Variants in STX18 observed in about 807,000 individuals in gnomAD.
STX18 encodes the protein syntaxin-18.
Under a neutral mutation model 50.1 loss-of-function variants are expected in STX18, and 40 were observed. The ratio of observed to expected loss-of-function variants is 0.80; its 90% CI spans 0.62 to 1.04. The LOEUF (loss-of-function observed/expected upper bound fraction) is 1.04, where lower values mean the gene tolerates loss of function less well. Among genes scored for constraint, STX18 ranks in the 50% least tolerant of loss-of-function variants. The probability of loss-of-function intolerance (pLI) is 0.00; values close to 1 mark genes in which losing one functional copy is unlikely to be tolerated. For synonymous variants in STX18, 158 were observed against 151.8 expected (o/e 1.04, Z -0.30); for missense variants, 410 against 415.8 (o/e 0.99, Z 0.12).
intron 6 of STX18, chr4:4,437,688 T>C (rs1337942432): frequency 1.1e-6 from 1 of 920,128 alleles, no homozygotes; most frequent in African/African-American, 1.8e-5. Context: ...CTCCCAGGTC[T>C]CTCCTGGCTC....
At chr4:4,474,680 T>A (rs937970665) in intron 1 of STX18, among the ~76,000 whole-genome samples, 3 of 152,066 alleles carry the variant, frequency 2.0e-5, no homozygotes, top group African/African-American at 7.2e-5. Flanking sequence ...AGTAATGCAA[T>A]GTGAGAAAGA....
chr4:4,457,536 C>T (rs1443788994), intron 3 of STX18, 36 bp from the exon 4 acceptor site: 1 of 1,502,766 alleles, frequency 6.7e-7, no homozygotes, highest in African/African-American at 1.4e-5. Context: ...GGCCTTCGCA[C>T]TCAATTATCC....
intron 1 of STX18, among the ~76,000 whole-genome samples, chr4:4,490,211 C>T (rs772723995): frequency 1.3e-5 from 2 of 152,162 alleles, no homozygotes; most frequent in Non-Finnish European, 2.9e-5. Context: ...AGAAATCTTT[C>T]GAAAGCTCTA....
At chr4:4,502,072 A>G (rs1729484922) in intron 1 of STX18, among the ~76,000 whole-genome samples, 1 of 152,256 alleles carries the variant, frequency 6.6e-6, no homozygotes, top group Non-Finnish European at 1.5e-5. Context: ...TCTGCAGTTA[A>G]TATGTCTAAA....
At chr4:4,465,499 G>A (rs778580247) in intron 2 of STX18, among the ~76,000 whole-genome samples, 12 of 152,174 alleles carry the variant, frequency 7.9e-5, no homozygotes, top group Non-Finnish European at 1.3e-4. Flanking sequence ...GCAAACTAAC[G>A]TAAGAACAGA....
chr4:4,443,844 T>C (rs1162749960), intron 5 of STX18, among the ~76,000 whole-genome samples: 1 of 152,210 alleles, frequency 6.6e-6, no homozygotes, highest in African/African-American at 2.4e-5. Context: ...GATCCTCTGA[T>C]GATAAAAACT....
At chr4:4,531,034 G>A (rs1004262679) in intron 1 of STX18, among the ~76,000 whole-genome samples, 4 of 152,134 alleles carry the variant, frequency 2.6e-5, no homozygotes, top group Middle Eastern at 3.4e-3. Flanking sequence ...ATGTATGTAT[G>A]AAACAAGGAA....
At chr4:4,517,238 T>A (rs942954453) in intron 1 of STX18, among the ~76,000 whole-genome samples, 2 of 152,230 alleles carry the variant, frequency 1.3e-5, no homozygotes, top group African/African-American at 4.8e-5. Flanking sequence ...CTTCTGTTTT[T>A]TCAAAATCTC....
intron 1 of STX18, among the ~76,000 whole-genome samples, chr4:4,493,422 A>G (rs1560192262): frequency 6.6e-6 from 1 of 152,222 alleles, no homozygotes; most frequent in Non-Finnish European, 1.5e-5. Flanking sequence ...GGAATTGTAA[A>G]TAGTAAGAAT....
chr4:4,485,153 G>A (rs930079704), intron 1 of STX18, among the ~76,000 whole-genome samples: 1 of 152,148 alleles, frequency 6.6e-6, no homozygotes, highest in African/African-American at 2.4e-5. Flanking sequence ...ATGGCTTTGT[G>A]TCACTTAACC....
At chr4:4,460,275 A>C (rs530787074) in intron 2 of STX18, among the ~76,000 whole-genome samples, 226 of 152,308 alleles carry the variant, frequency 1.5e-3, no homozygotes, top group Non-Finnish European at 2.3e-3. Flanking sequence ...ATCAATTAAT[A>C]AATCAGTAAT....
intron 1 of STX18, among the ~76,000 whole-genome samples, chr4:4,495,679 G>C (rs1239570474): frequency 7.0e-6 from 1 of 143,108 alleles, no homozygotes; most frequent in Non-Finnish European, 1.5e-5. Flanking sequence ...TATTTAAATT[G>C]TACAACTAAA....
intron 1 of STX18, 102 bp downstream of exon 1, chr4:4,541,695 C>CTT: frequency 2.9e-6 from 4 of 1,379,244 alleles, no homozygotes; most frequent in Non-Finnish European, 3.9e-6. Context: ...GAGCCACCCC[C>CTT]TTCACACAAT....
chr4:4,453,593 T>G, intron 5 of STX18: 1 of 783,228 alleles, frequency 1.3e-6, no homozygotes, highest in Non-Finnish European at 1.5e-6. Context: ...TATTGTGATA[T>G]TCACTTTGTT....
chr4:4,507,311 A>C (rs530715445), intron 1 of STX18: 1 of 728,324 alleles, frequency 1.4e-6, no homozygotes, highest in South Asian at 1.4e-5. Context: ...TCGGACCTCA[A>C]GGCTCAGCTC....
intron 1 of STX18, among the ~76,000 whole-genome samples, chr4:4,533,556 C>T (rs1418140021): frequency 6.6e-6 from 1 of 152,186 alleles, no homozygotes; most frequent in Non-Finnish European, 1.5e-5. Flanking sequence ...TATTCTTCTG[C>T]ACATTAGTTA....
At chr4:4,491,254 T>G (rs1291884297) in intron 1 of STX18, among the ~76,000 whole-genome samples, 1 of 152,140 alleles carries the variant, frequency 6.6e-6, no homozygotes, top group Non-Finnish European at 1.5e-5. Flanking sequence ...TTCATCCATA[T>G]TATATACAAA....
At chr4:4,442,742 T>G (rs745445743) in intron 5 of STX18, among the ~76,000 whole-genome samples, 1 of 151,676 alleles carries the variant, frequency 6.6e-6, no homozygotes, top group African/African-American at 2.4e-5. Context: ...ATGGGAACTC[T>G]TGGTACTTTC....
chr4:4,507,495 G>A, intron 1 of STX18: 2 of 767,164 alleles, frequency 2.6e-6, no homozygotes, highest in South Asian at 2.7e-5. Context: ...TCGCTCAGAG[G>A]AGAATTCTGC....
Sources: gnomAD v4.1 joint callset for allele counts (sites outside exome capture counted in the v4.1 genomes callset) on GRCh38, gnomAD v4.1.1 for gene constraint, MANE v1.5 for transcripts, NCBI Gene and HGNC (gene_info 2026-07-23, HGNC 2026-07-21) for gene names.